Variants in YY1 observed in about 807,000 individuals in gnomAD.
YY1 encodes the protein transcriptional repressor protein YY1.
YY1 carries 2 observed loss-of-function variants against 35.6 expected under a neutral mutation model. The observed-to-expected ratio is 0.06, with a 90% CI of 0.02 to 0.18. The LOEUF is 0.18. Among genes scored for constraint, YY1 ranks in the 10% least tolerant of loss-of-function variants. The pLI, the probability that YY1 is intolerant of heterozygous loss-of-function variation, is 1.00. For missense variants in YY1, 322 were observed against 573.4 expected, an observed-to-expected ratio of 0.56 and a Z score of 4.48; for synonymous variants, 268 against 238.9, an observed-to-expected ratio of 1.12 and a Z score of -1.12.
At chr14:100,254,210 T>C (rs1217863568) in intron 1 of YY1, among the ~76,000 whole-genome samples, 1 of 152,200 alleles carries the variant, frequency 6.6e-6, no homozygotes, top group East Asian at 1.9e-4. Context: ...ATTACTAGCT[T>C]CTTTTACAGC....
intron 1 of YY1, among the ~76,000 whole-genome samples, chr14:100,247,121 T>A (rs2139571144): frequency 6.6e-6 from 1 of 152,328 alleles, no homozygotes; most frequent in Non-Finnish European, 1.5e-5. Context: ...GTAAATTTTT[T>A]AAAACATCCA....
intron 2 of YY1, among the ~76,000 whole-genome samples, chr14:100,271,340 T>C (rs1891236107): frequency 6.6e-6 from 1 of 152,218 alleles, no homozygotes; most frequent in African/African-American, 2.4e-5. Context: ...TTTTCCAAAC[T>C]GATGTAACCT....
chr14:100,277,654 T>C lies in YY1; in HGVS notation c.*54T>C. On this transcript the variant is annotated 3_prime_UTR_variant, in exon 5 of 5. Transcript: ENST00000262238. The surrounding 1 kb of genome is among the most constrained non-coding windows in gnomAD (Gnocchi z 5.6). The stretch of plus-strand genomic sequence containing the variant: ...CGGGAAGCATCTTCCAGAAGTGTGA[T>C]TGGGAATAAATATGCCTCTCCTTTG... 3.8e-6 allele frequency: 6 copies of C among 1,573,472 alleles called. No homozygotes were observed. In the South Asian group the frequency reaches 6.7e-5, roughly 18 times the overall value.
At chr14:100,243,917 A>G (rs977724394) in intron 1 of YY1, among the ~76,000 whole-genome samples, 2 of 152,078 alleles carry the variant, frequency 1.3e-5, no homozygotes, top group Non-Finnish European at 2.9e-5. Context: ...CATCCTGCCT[A>G]ACACGGTAAA....
chr14:100,244,730 A>G (rs906990084), intron 1 of YY1, among the ~76,000 whole-genome samples: 2 of 150,584 alleles, frequency 1.3e-5, no homozygotes, highest in Non-Finnish European at 3.0e-5. Flanking sequence ...CCACAGGCTA[A>G]TGTTTTAATT....
intron 2 of YY1, among the ~76,000 whole-genome samples, chr14:100,273,994 A>C (rs945497917): frequency 1.3e-5 from 2 of 152,146 alleles, no homozygotes; most frequent in African/African-American, 4.8e-5. Flanking sequence ...CCAAGCCCCC[A>C]TCCAGAAGTA....
At chr14:100,273,821 G>A (rs771099214) in intron 2 of YY1, among the ~76,000 whole-genome samples, 1 of 152,092 alleles carries the variant, frequency 6.6e-6, no homozygotes, top group African/African-American at 2.4e-5. Context: ...AGATCTATAG[G>A]GAATATTTGG....
rs1891436621 is a variant in YY1, at chr14:100,281,757, T to TA, written c.*4158dup. The TA allele has an allele frequency of 6.6e-6, 1 of 152,232 alleles. No individual in the cohort carries two copies. Among genetic ancestry groups the TA allele is most frequent in the African/African-American group, 2.4e-5 (1 of 41,454 alleles). The allele number at this position is 152,232 out of a possible 1,614,324, so 9.4% of individuals were successfully genotyped here. On this transcript the variant is annotated 3_prime_UTR_variant, in exon 5 of 5. Coordinates refer to ENST00000262238, the MANE Select transcript of YY1 (RefSeq NM_003403.5). ...ATTACTGACCCTTGATTTATGTTGT[T>TA]ACTGCTCAGGTTATGCTCAGATGCC...
intron 2 of YY1, among the ~76,000 whole-genome samples, chr14:100,267,656 TG>T (rs1891174972): frequency 2.0e-5 from 3 of 152,028 alleles, no homozygotes; most frequent in Non-Finnish European, 4.4e-5. Context: ...TCCGAGTAGC[TG>T]GGACTACAGG....
chr14:100,240,828 C>T (rs1461608443), intron 1 of YY1, among the ~76,000 whole-genome samples: 2 of 151,574 alleles, frequency 1.3e-5, no homozygotes, highest in Non-Finnish European at 1.5e-5. Flanking sequence ...TTTAGCTCTT[C>T]TGAATAGGTT....
At chr14:100,249,770 G>GTT (rs1890897085) in intron 1 of YY1, among the ~76,000 whole-genome samples, 1 of 131,352 alleles carries the variant, frequency 7.6e-6, no homozygotes, top group Non-Finnish European at 1.7e-5. Context: ...GTTTGTTTTT[G>GTT]TTTTTGTTTT....
At chr14:100,274,027 G>C (rs761663972) in intron 2 of YY1, among the ~76,000 whole-genome samples, 2 of 152,094 alleles carry the variant, frequency 1.3e-5, no homozygotes, top group African/African-American at 2.4e-5. Context: ...GAGAGTATGT[G>C]GTGTTCCCAT....
intron 1 of YY1, 132 bp downstream of exon 1, chr14:100,240,055 TGCGGCGGCGGGGGCGCGGCGGCG>T: frequency 1.6e-6 from 1 of 638,666 alleles, no homozygotes; most frequent in Non-Finnish European, 2.1e-6. Flanking sequence ...TGGCGGGCCG[TGCGGCGGCGGGGGCGCGGCGGCG>T]GCGGCGGGCG....
intron 1 of YY1, among the ~76,000 whole-genome samples, chr14:100,258,817 T>C (rs748584876): frequency 1.6e-4 from 24 of 152,260 alleles, no homozygotes; most frequent in Non-Finnish European, 1.0e-4. Context: ...ATTAGAGTCA[T>C]GTAAAGTTTA....
At position 100,277,249 on chromosome 14, in the gene YY1, T is replaced by C; in HGVS notation, c.1063-169T>C. 1 of 860,226 alleles carries C rather than the reference T, an allele frequency of 1.2e-6. No individual in the cohort carries two copies. Among genetic ancestry groups the C allele is most frequent in the Admixed American group, 2.1e-5 (1 of 48,082 alleles). 53.3% of individuals were successfully genotyped at this position (860,226 alleles called of 1,614,324 possible). A position where few individuals can be genotyped will look rare whatever the true frequency, so the allele number is the denominator to read the frequency against. On this transcript the variant is annotated intron_variant, in intron 4 of 4. Coordinates refer to ENST00000262238, the MANE Select transcript of YY1 (RefSeq NM_003403.5). This position sits in a 1 kb window ranked among gnomAD's most constrained non-coding sequence, Gnocchi z 5.6. ...GGCTCTCCTTGGGTTTTCGGGGTTG[T>C]CCAACCTGCCTGCTGATTCTAGACT...
chr14:100,251,533 C>T (rs1890924133), intron 1 of YY1, among the ~76,000 whole-genome samples: 1 of 152,234 alleles, frequency 6.6e-6, no homozygotes, highest in Admixed American at 6.5e-5. Context: ...CATGTGCTAG[C>T]ATCCCCTGTA....
At chr14:100,263,721 C>CT (rs967792406) in intron 2 of YY1, 104 of 147,152 alleles carry the variant, frequency 7.1e-4, no homozygotes, top group African/African-American at 1.6e-3. Flanking sequence ...GAGTGGGTTG[C>CT]TTTTTTTTTT....
intron 2 of YY1, among the ~76,000 whole-genome samples, chr14:100,263,561 T>C (rs1891113394): frequency 6.6e-6 from 1 of 152,226 alleles, no homozygotes; most frequent in Non-Finnish European, 1.5e-5. Context: ...TGTAAACTTT[T>C]AAGTTAAATG....
chr14:100,277,396 A>C lies in YY1; in HGVS notation c.1063-22A>C, dbSNP rs1891338855. ...CTGGTCAGAGTTGCTGAGTGGGTTG[A>C]TCTCTGGTCTTTCCTTGACAGTGCA... is the stretch of plus-strand genomic sequence containing the variant. On this transcript the variant is annotated intron_variant, in intron 4 of 4. Transcript: ENST00000262238. The surrounding 1 kb of genome is among the most constrained non-coding windows in gnomAD (Gnocchi z 5.6). The C allele has an allele frequency of 3.1e-6, 5 of 1,614,140 alleles. No homozygotes were observed. The highest frequency in any genetic ancestry group is 4.2e-6 in the Non-Finnish European group (5 of 1,180,018).
Sources: gnomAD v4.1 joint callset for allele counts (sites outside exome capture counted in the v4.1 genomes callset) on GRCh38, gnomAD v4.1.1 for gene constraint, Gnocchi (gnomAD v3.1) non-coding constraint, MANE v1.5 for transcripts, NCBI Gene and HGNC (gene_info 2026-07-23, HGNC 2026-07-21) for gene names.